Variants in ROBO2 observed in about 807,000 individuals in gnomAD.
ROBO2 encodes roundabout homolog 2.
In ROBO2, 53 loss-of-function variants were observed where a neutral mutation model predicts 160.8. The observed-to-expected ratio is 0.33, with a 90% CI of 0.26 to 0.41. ROBO2 has a LOEUF of 0.41. ROBO2 is among the 10% of genes least tolerant of loss of function. ROBO2 has a pLI of 1.00. For missense variants in ROBO2, 1,577 were observed against 1,722.4 expected, an observed-to-expected ratio of 0.92 and a Z score of 1.49; for synonymous variants, 664 against 611.7, an observed-to-expected ratio of 1.09 and a Z score of -1.26.
intron 2 of ROBO2, among the ~76,000 whole-genome samples, chr3:77,382,016 C>G (rs2073541901): frequency 6.6e-6 from 1 of 152,012 alleles, no homozygotes; most frequent in African/African-American, 2.4e-5. Context: ...GTATTAAATG[C>G]CCAAGCTAAG....
At chr3:76,841,762 A>G (rs1411486794) in intron 2 of ROBO2, among the ~76,000 whole-genome samples, 3 of 152,224 alleles carry the variant, frequency 2.0e-5, no homozygotes, top group Non-Finnish European at 4.4e-5. Context: ...AGAAGGAAGG[A>G]CATCTTTTCT....
chr3:76,274,030 G>T (rs930419627), intron 2 of ROBO2, among the ~76,000 whole-genome samples: 6 of 152,120 alleles, frequency 3.9e-5, no homozygotes, highest in Non-Finnish European at 7.3e-5. Flanking sequence ...CCATGTAGAG[G>T]TACCAATCCC....
chr3:77,493,093 T>G (rs531032182), intron 4 of ROBO2, 151 bp from the exon 5 acceptor site: 2 of 717,342 alleles, frequency 2.8e-6, no homozygotes, highest in African/African-American at 3.6e-5. Flanking sequence ...GACATTGGAT[T>G]CACAAGGCCT....
chr3:76,979,987 T>G (rs1333692006), intron 2 of ROBO2, among the ~76,000 whole-genome samples: 1 of 152,038 alleles, frequency 6.6e-6, no homozygotes, highest in African/African-American at 2.4e-5. Context: ...AATTGTCTGC[T>G]GAGCTTATAA....
chr3:76,515,333 T>C (rs1343147822), intron 2 of ROBO2, among the ~76,000 whole-genome samples: 1 of 152,214 alleles, frequency 6.6e-6, no homozygotes, highest in Non-Finnish European at 1.5e-5. Context: ...TATTTGTTTC[T>C]ATATTTTGAA....
intron 2 of ROBO2, among the ~76,000 whole-genome samples, chr3:77,015,758 A>T (rs1578265240): frequency 6.6e-6 from 1 of 152,130 alleles, no homozygotes. Context: ...CATCACAGTT[A>T]CCTGCCCCAG....
At chr3:75,937,577 T>C in exon 2 of ROBO2, 1 of 1,560,650 alleles carries the variant, frequency 6.4e-7, no homozygotes, top group Non-Finnish European at 8.6e-7. Context: ...TGTTTTGGGG[T>C]CATCAGGGGA....
intron 2 of ROBO2, among the ~76,000 whole-genome samples, chr3:77,409,668 C>G (rs2076541838): frequency 6.6e-6 from 1 of 152,076 alleles, no homozygotes; most frequent in Non-Finnish European, 1.5e-5. Context: ...GTAATTTTCA[C>G]TGGAGAAGGA....
In ROBO2 at chr3:77,649,673, T is replaced by C. The variant is rs192514111; in HGVS notation, c.*3618T>C. Reference sequence around the variant, plus strand: ...CTTTTTTCTAAAAAAAGATGTTCAATTTACTAATTTTTTTAAATCTCATAA... The same window carrying C: ...CTTTTTTCTAAAAAAAGATGTTCAACTTACTAATTTTTTTAAATCTCATAA... On this transcript the variant is annotated 3_prime_UTR_variant, in exon 26 of 26. Transcript: ENST00000461745. 5.9e-3 allele frequency: 895 copies of C among 152,312 alleles called. 4 individuals carry two copies. The highest frequency in any genetic ancestry group is 0.019 in the African/African-American group (781 of 41,576). 9.4% of individuals were successfully genotyped at this position (152,312 alleles called of 1,614,324 possible).
intron 2 of ROBO2, among the ~76,000 whole-genome samples, chr3:77,025,019 C>T (rs1366479950): frequency 6.6e-6 from 1 of 151,104 alleles, no homozygotes; most frequent in Non-Finnish European, 1.5e-5. Flanking sequence ...TGTTCTTTGG[C>T]AGTAAATTAA....
At chr3:77,264,453 A>G (rs1336931409) in intron 2 of ROBO2, among the ~76,000 whole-genome samples, 1 of 152,176 alleles carries the variant, frequency 6.6e-6, no homozygotes, top group African/African-American at 2.4e-5. Flanking sequence ...GCTTGTGCAC[A>G]TTTGGAGAAA....
intron 2 of ROBO2, among the ~76,000 whole-genome samples, chr3:76,309,287 A>G (rs960736059): frequency 1.3e-5 from 2 of 152,178 alleles, no homozygotes; most frequent in Admixed American, 6.5e-5. Context: ...ATAGCTCCCC[A>G]TTTTTAAGTA....
intron 2 of ROBO2, among the ~76,000 whole-genome samples, chr3:77,324,637 G>A (rs531312202): frequency 7.3e-6 from 1 of 136,648 alleles, no homozygotes; most frequent in African/African-American, 3.1e-5. Context: ...AAAATTAGCC[G>A]GGTGCAGTGG....
chr3:76,441,705 TC>T (rs1480039669), intron 2 of ROBO2, among the ~76,000 whole-genome samples: 1 of 152,206 alleles, frequency 6.6e-6, no homozygotes, highest in Non-Finnish European at 1.5e-5. Context: ...GAGACAACTC[TC>T]CCCTTACCTC....
intron 2 of ROBO2, among the ~76,000 whole-genome samples, chr3:76,580,808 AC>A (rs1315097900): frequency 6.6e-6 from 1 of 152,152 alleles, no homozygotes; most frequent in Admixed American, 6.5e-5. Context: ...ATAAGAAGTA[AC>A]CTTTTTTTTC....
chr3:76,540,377 C>G (rs924507728), intron 2 of ROBO2, among the ~76,000 whole-genome samples: 7 of 152,134 alleles, frequency 4.6e-5, no homozygotes, highest in African/African-American at 1.7e-4. Context: ...AAAGAGAATC[C>G]TTTTATTTTT....
At chr3:76,579,619 A>G (rs1166612257) in intron 2 of ROBO2, among the ~76,000 whole-genome samples, 1 of 152,074 alleles carries the variant, frequency 6.6e-6, no homozygotes, top group Non-Finnish European at 1.5e-5. Flanking sequence ...ATCTTAACTG[A>G]AAGTCTTGGT....
At chr3:76,825,642 AT>A (rs977100177) in intron 2 of ROBO2, among the ~76,000 whole-genome samples, 1 of 141,060 alleles carries the variant, frequency 7.1e-6, no homozygotes, top group African/African-American at 2.6e-5. Context: ...ATGAAGATGC[AT>A]TTTTTTCCCT....
chr3:77,307,872 C>T (rs942685087), intron 2 of ROBO2, among the ~76,000 whole-genome samples: 4 of 151,892 alleles, frequency 2.6e-5, no homozygotes, highest in African/African-American at 4.8e-5. Context: ...GCAGGAGAAT[C>T]GCTGGAACCC....
Sources: gnomAD v4.1 joint callset for allele counts (sites outside exome capture counted in the v4.1 genomes callset) on GRCh38, gnomAD v4.1.1 for gene constraint, MANE v1.5 for transcripts, NCBI Gene and HGNC (gene_info 2026-07-23, HGNC 2026-07-21) for gene names.